SPIDR: variants seen among roughly 807,000 people sequenced by gnomAD.
The protein encoded by SPIDR is scaffold protein involved in DNA repair, also known as DNA repair-scaffolding protein.
In SPIDR, 93 loss-of-function variants were observed where a neutral mutation model predicts 104.6. The observed-to-expected ratio is 0.89, with a 90% CI of 0.75 to 1.06. The LOEUF (loss-of-function observed/expected upper bound fraction) is 1.06, where lower values mean the gene tolerates loss of function less well. Ranked by LOEUF, SPIDR falls within the 50% of genes least tolerant of loss-of-function variation. SPIDR has a pLI of 0.00. For synonymous variants in SPIDR, 431 were observed against 416.9 expected (o/e 1.03, Z -0.41); for missense variants, 1,154 against 1,111.2 (o/e 1.04, Z -0.55).
intron 8 of SPIDR, among the ~76,000 whole-genome samples, chr8:47,581,548 A>G (rs1255365559): frequency 6.6e-6 from 1 of 152,160 alleles, no homozygotes; most frequent in Non-Finnish European, 1.5e-5. Flanking sequence ...GCGCTCCAGC[A>G]TAGTAGCCCT....
intron 8 of SPIDR, among the ~76,000 whole-genome samples, chr8:47,522,888 G>GT (rs2084379246): frequency 6.6e-6 from 1 of 152,062 alleles, no homozygotes; most frequent in Non-Finnish European, 1.5e-5. Context: ...ACCTGATGAT[G>GT]TTTCTGTCAC....
Position 47,636,903 on chromosome 8 carries a change from G to A in SPIDR, c.1545-36898G>A, listed in dbSNP as rs1238642200. Among the ~76,000 whole-genome samples, 12 of 152,108 alleles carry A rather than the reference G, an allele frequency of 7.9e-5. No individual in the cohort carries two copies. The South Asian group carries it at 1.0e-3, about 13-fold the overall frequency. ...GAACAGTAAGATAATCATGCCTGTC[G>A]TGAGAGTACTGTTCCTTCTGAGGGT... On this transcript the variant is annotated intron_variant, in intron 10 of 19. Coordinates refer to ENST00000297423, the MANE Select transcript of SPIDR (RefSeq NM_001080394.4).
At chr8:47,428,170 T>A (rs1263210294) in intron 7 of SPIDR, among the ~76,000 whole-genome samples, 1 of 152,224 alleles carries the variant, frequency 6.6e-6, no homozygotes, top group African/African-American at 2.4e-5. Context: ...GTGATCTATC[T>A]GCCTTGGCCT....
chr8:47,552,078 G>A (rs1233808084), intron 8 of SPIDR, among the ~76,000 whole-genome samples: 1 of 152,186 alleles, frequency 6.6e-6, no homozygotes, highest in African/African-American at 2.4e-5. Context: ...TAGTAGAGTG[G>A]TTTTGAGTGA....
intron 8 of SPIDR, among the ~76,000 whole-genome samples, chr8:47,533,664 A>G (rs1365105028): frequency 6.6e-6 from 1 of 152,212 alleles, no homozygotes; most frequent in Admixed American, 6.5e-5. Flanking sequence ...TGGGGGAAAA[A>G]AAACCTCAAC....
intron 8 of SPIDR, 100 bp from the exon 9 acceptor site, chr8:47,595,711 A>T: frequency 8.7e-7 from 1 of 1,152,972 alleles, no homozygotes; most frequent in Non-Finnish European, 1.3e-6. Flanking sequence ...TTAGCTGTCC[A>T]TAGCAGGCGA....
Position 47,376,180 on chromosome 8 carries a change from A to G in SPIDR, c.526-20196A>G, listed in dbSNP as rs144326919. ...AGTTACAGGAACTGAGCAGGAATTG[A>G]AGAGCAAAAAGATTATTTATTTCTG... On this transcript the variant is annotated intron_variant, in intron 5 of 19. Coordinates refer to ENST00000297423, the MANE Select transcript of SPIDR (RefSeq NM_001080394.4). Among the ~76,000 whole-genome samples, 52 of 152,340 alleles carry G rather than the reference A, an allele frequency of 3.4e-4. 1 individual carries two copies. In the East Asian group the frequency reaches 7.9e-3, roughly 23 times the overall value.
chr8:47,419,598 G>C (rs1238050888), intron 7 of SPIDR, among the ~76,000 whole-genome samples: 2 of 151,880 alleles, frequency 1.3e-5, no homozygotes, highest in African/African-American at 4.8e-5. Context: ...TTTTTGAAGG[G>C]TTTTTGTGTC....
intron 5 of SPIDR, among the ~76,000 whole-genome samples, chr8:47,374,176 C>G (rs2058379806): frequency 6.6e-6 from 1 of 152,098 alleles, no homozygotes; most frequent in Non-Finnish European, 1.5e-5. Context: ...ATAGATAAAC[C>G]TGACATTTCT....
At position 47,575,789 on chromosome 8, in the gene SPIDR, G is replaced by A. The variant is rs542387074; in HGVS notation, c.1098-20022G>A. On this transcript the variant is annotated intron_variant, in intron 8 of 19. Coordinates refer to ENST00000297423, the MANE Select transcript of SPIDR (RefSeq NM_001080394.4). ...AGCCTGACCAACATGGTGAAACCCC[G>A]TCTCTACTGAAAATACAAAAATTAG... is the stretch of plus-strand genomic sequence containing the variant. Among the ~76,000 whole-genome samples the A allele has an allele frequency of 2.2e-3, 338 of 151,320 alleles. 1 individual carries two copies. The highest frequency in any genetic ancestry group is 7.9e-3 in the African/African-American group (327 of 41,276).
intron 5 of SPIDR, among the ~76,000 whole-genome samples, chr8:47,349,849 G>C (rs1481459897): frequency 6.6e-6 from 1 of 152,224 alleles, no homozygotes; most frequent in Non-Finnish European, 1.5e-5. Flanking sequence ...GGGCGGGAGT[G>C]TCCCGATTTT....
chr8:47,490,924 A>T (rs553736791), intron 8 of SPIDR, among the ~76,000 whole-genome samples: 1 of 152,202 alleles, frequency 6.6e-6, no homozygotes, highest in Non-Finnish European at 1.5e-5. Context: ...CAGCACACCA[A>T]TGTGGCACAT....
At chr8:47,533,326 G>A (rs1426263276) in intron 8 of SPIDR, among the ~76,000 whole-genome samples, 8 of 152,156 alleles carry the variant, frequency 5.3e-5, no homozygotes, top group Middle Eastern at 3.4e-3. Flanking sequence ...AAAAACCCTG[G>A]AAGACAACTT....
At chr8:47,522,212 T>C (rs1422825338) in intron 8 of SPIDR, among the ~76,000 whole-genome samples, 1 of 149,836 alleles carries the variant, frequency 6.7e-6, no homozygotes, top group Non-Finnish European at 1.5e-5. Context: ...GAAACATGAA[T>C]GAGCAGGAGA....
At chr8:47,717,280 C>T (rs1262481414) in intron 16 of SPIDR, among the ~76,000 whole-genome samples, 2 of 152,204 alleles carry the variant, frequency 1.3e-5, no homozygotes, top group Non-Finnish European at 2.9e-5. Flanking sequence ...TCTCCCACCC[C>T]CTCAGCTCTC....
chr8:47,309,246 T>C (rs1259906484), intron 5 of SPIDR, among the ~76,000 whole-genome samples: 1 of 152,198 alleles, frequency 6.6e-6, no homozygotes, highest in Non-Finnish European at 1.5e-5. Flanking sequence ...AAGATTTAAT[T>C]ATAGAAACAT....
At chr8:47,639,326 A>T (rs1024899097) in intron 10 of SPIDR, among the ~76,000 whole-genome samples, 6 of 152,252 alleles carry the variant, frequency 3.9e-5, no homozygotes, top group African/African-American at 7.2e-5. Flanking sequence ...ATATATTAAA[A>T]TACCTCAGTG....
At chr8:47,448,948 C>T (rs549547133) in intron 8 of SPIDR, among the ~76,000 whole-genome samples, 2 of 152,174 alleles carry the variant, frequency 1.3e-5, no homozygotes, top group Non-Finnish European at 2.9e-5. Flanking sequence ...ATCTGGAGAA[C>T]CTCCCTGTGT....
intron 10 of SPIDR, among the ~76,000 whole-genome samples, chr8:47,614,194 A>G (rs2154432160): frequency 6.6e-6 from 1 of 151,738 alleles, no homozygotes; most frequent in African/African-American, 2.4e-5. Context: ...CCTGCAAAGG[A>G]CATGATCTCG....
Sources: allele counts gnomAD v4.1 joint callset (sites outside exome capture counted in the v4.1 genomes callset), GRCh38; gene constraint gnomAD v4.1.1; transcripts MANE v1.5; gene names NCBI Gene and HGNC (gene_info 2026-07-23, HGNC 2026-07-21).